The following BICC1 variants were observed in gnomAD, a reference collection of about 807,000 sequenced individuals.
BICC1 encodes the protein protein bicaudal C homolog 1.
A neutral mutation model predicts 111.0 loss-of-function variants in BICC1; 43 were observed. The observed-to-expected ratio is 0.39, with a 90% CI of 0.30 to 0.50. BICC1 has a LOEUF of 0.50. Ranked by LOEUF, BICC1 falls within the 20% of genes least tolerant of loss-of-function variation. BICC1 has a pLI of 0.88. For synonymous variants in BICC1, 467 were observed against 434.4 expected (o/e 1.07, Z -0.93); for missense variants, 1,091 against 1,203.2 (o/e 0.91, Z 1.38).
intron 1 of BICC1, among the ~76,000 whole-genome samples, chr10:58,614,428 A>G (rs1180082238): frequency 6.6e-6 from 1 of 152,256 alleles, no homozygotes; most frequent in African/African-American, 2.4e-5. Context: ...AATCAGGCTC[A>G]GATTTAGAAT....
chr10:58,671,043 C>T (rs985070700), intron 2 of BICC1, among the ~76,000 whole-genome samples: 1 of 152,116 alleles, frequency 6.6e-6, no homozygotes, highest in African/African-American at 2.4e-5. Flanking sequence ...TTTTTCTTGT[C>T]TTTCTAACCA....
chr10:58,828,986 G>C lies in BICC1; in HGVS notation c.*95G>C. 1 of 1,469,588 alleles carries C rather than the reference G, an allele frequency of 6.8e-7. No homozygotes were observed. Among genetic ancestry groups the C allele is most frequent in the Non-Finnish European group, 9.2e-7 (1 of 1,083,810 alleles). 91.0% of individuals were successfully genotyped at this position (1,469,588 alleles called of 1,614,324 possible). The stretch of plus-strand genomic sequence containing the variant: ...ACAGCACACCATCCTTAGCACTCTG[G>C]GTGTCTGGTATCAGGACCAAAGCAT... On this transcript the variant is annotated 3_prime_UTR_variant, in exon 21 of 21. Coordinates refer to ENST00000373886, the MANE Select transcript of BICC1 (RefSeq NM_001080512.3).
intron 5 of BICC1, among the ~76,000 whole-genome samples, chr10:58,787,404 C>T (rs138015277): frequency 6.6e-6 from 1 of 152,166 alleles, no homozygotes; most frequent in African/African-American, 2.4e-5. Flanking sequence ...AGTCCAGGAA[C>T]CTATCCATTG....
chr10:58,732,399 A>G (rs1429985383), intron 3 of BICC1, among the ~76,000 whole-genome samples: 34 of 2,194 alleles, frequency 0.015, 4 homozygotes, highest in Admixed American at 0.04. Context: ...ATATATATAT[A>G]TATATATATA....
At chr10:58,593,973 C>G (rs1056393561) in intron 1 of BICC1, among the ~76,000 whole-genome samples, 2 of 151,758 alleles carry the variant, frequency 1.3e-5, no homozygotes, top group South Asian at 4.2e-4. Context: ...AGCTAAGAAC[C>G]TTTAAAAAAG....
At chr10:58,530,875 A>G (rs1842665387) in intron 1 of BICC1, among the ~76,000 whole-genome samples, 1 of 151,786 alleles carries the variant, frequency 6.6e-6, no homozygotes, top group African/African-American at 2.4e-5. Context: ...CCAGACTTCT[A>G]CCCCTACAGA....
At chr10:58,526,135 C>T (rs755838101) in intron 1 of BICC1, among the ~76,000 whole-genome samples, 2 of 151,638 alleles carry the variant, frequency 1.3e-5, no homozygotes, top group African/African-American at 4.8e-5. Context: ...TATGCCTGTG[C>T]GGTCATCTCA....
chr10:58,633,987 T>A (rs1308291360), intron 2 of BICC1, among the ~76,000 whole-genome samples: 1 of 111,332 alleles, frequency 9.0e-6, no homozygotes, highest in African/African-American at 3.6e-5. Flanking sequence ...CTTTTTTTTT[T>A]TTCTTTTCTT....
chr10:58,727,259 T>C (rs1475196564), intron 3 of BICC1, among the ~76,000 whole-genome samples: 1 of 152,184 alleles, frequency 6.6e-6, no homozygotes, highest in Non-Finnish European at 1.5e-5. Flanking sequence ...AGTGCATATG[T>C]ATCCAAAGTC....
chr10:58,527,566 T>C (rs1388948362), intron 1 of BICC1, among the ~76,000 whole-genome samples: 1 of 152,250 alleles, frequency 6.6e-6, no homozygotes. Context: ...GTCTAACATT[T>C]AAGTCTTTAA....
chr10:58,803,759 T>A (rs1383032318), intron 15 of BICC1, among the ~76,000 whole-genome samples: 1 of 152,216 alleles, frequency 6.6e-6, no homozygotes, highest in Non-Finnish European at 1.5e-5. Flanking sequence ...ACAACTTCCT[T>A]TAAATAATTT....
intron 2 of BICC1, among the ~76,000 whole-genome samples, chr10:58,627,083 C>G (rs897614673): frequency 1.3e-5 from 2 of 150,858 alleles, no homozygotes; most frequent in African/African-American, 2.4e-5. Context: ...GCCTGGGCAA[C>G]AAGAGCAAAA....
At chr10:58,546,019 TTGACTTCTTTCC>T (rs1475469183) in intron 1 of BICC1, among the ~76,000 whole-genome samples, 1 of 152,192 alleles carries the variant, frequency 6.6e-6, no homozygotes, top group East Asian at 1.9e-4. Flanking sequence ...CTCCATCCTA[TTGACTTCTTTCC>T]TGAACCGGAA....
intron 2 of BICC1, among the ~76,000 whole-genome samples, chr10:58,657,263 T>C (rs1488003622): frequency 6.6e-6 from 1 of 152,174 alleles, no homozygotes; most frequent in Non-Finnish European, 1.5e-5. Context: ...TATTGAAATG[T>C]TCTGTGTTGT....
At chr10:58,648,516 G>GTA in intron 2 of BICC1, 1 of 985,268 alleles carries the variant, frequency 1.0e-6, no homozygotes, top group Non-Finnish European at 1.2e-6. Context: ...CGGACTTAGT[G>GTA]TATTCCTATA....
intron 20 of BICC1, among the ~76,000 whole-genome samples, chr10:58,823,055 T>C (rs2132981818): frequency 6.6e-6 from 1 of 152,202 alleles, no homozygotes; most frequent in South Asian, 2.1e-4. Context: ...TTGATCTCTT[T>C]TTCCCCAAAT....
rs369208455 is a variant in BICC1, at chr10:58,575,225, C to G, written c.191-45630C>G. Among the ~76,000 whole-genome samples, 9 of 152,122 alleles carry G rather than the reference C, an allele frequency of 5.9e-5. No individual in the cohort carries two copies. In the East Asian group the frequency reaches 9.7e-4, roughly 16 times the overall value. Reference sequence around the variant, plus strand: ...AGGCCCCGGTGTATGATGTCCCCCTCTCTGTGTCCATGGGTTCTCATTGTT... The same window carrying G: ...AGGCCCCGGTGTATGATGTCCCCCTGTCTGTGTCCATGGGTTCTCATTGTT... On this transcript the variant is annotated intron_variant, in intron 1 of 20. Coordinates refer to ENST00000373886, the MANE Select transcript of BICC1 (RefSeq NM_001080512.3).
intron 1 of BICC1, among the ~76,000 whole-genome samples, chr10:58,533,211 C>A (rs908859614): frequency 6.6e-6 from 1 of 151,858 alleles, no homozygotes; most frequent in African/African-American, 2.4e-5. Flanking sequence ...CAAACAAGGA[C>A]AAATTTTAAA....
intron 2 of BICC1, among the ~76,000 whole-genome samples, chr10:58,684,529 A>T (rs1839648277): frequency 6.6e-6 from 1 of 152,186 alleles, no homozygotes. Flanking sequence ...TTGGTAGGCT[A>T]TTAATTATTG....
Sources: gnomAD v4.1 joint callset for allele counts (sites outside exome capture counted in the v4.1 genomes callset) on GRCh38, gnomAD v4.1.1 for gene constraint, MANE v1.5 for transcripts, NCBI Gene and HGNC (gene_info 2026-07-23, HGNC 2026-07-21) for gene names.